The following STK3 variants were observed in gnomAD, a reference collection of about 807,000 sequenced individuals.
The protein encoded by STK3 is serine/threonine kinase 3.
STK3 carries 41 observed loss-of-function variants against 58.0 expected under a neutral mutation model. That is an observed-to-expected ratio of 0.71 (90% CI 0.55 to 0.92). The LOEUF (loss-of-function observed/expected upper bound fraction) is 0.92, where lower values mean the gene tolerates loss of function less well. Among genes scored for constraint, STK3 ranks in the 40% least tolerant of loss-of-function variants. The pLI, the probability that STK3 is intolerant of heterozygous loss-of-function variation, is 0.00. For synonymous variants in STK3, 170 were observed against 191.0 expected, an observed-to-expected ratio of 0.89 and a Z score of 0.91; for missense variants, 479 against 602.7, an observed-to-expected ratio of 0.79 and a Z score of 2.15.
the STK3 span, among the ~76,000 whole-genome samples, chr8:98,365,683 C>T: frequency 6.6e-6 from 1 of 152,150 alleles, no homozygotes; most frequent in Non-Finnish European, 1.5e-5. Context: ...CCATGTGTCC[C>T]AGTTCATGTC....
chr8:98,647,420 T>C (rs549102590), intron 6 of STK3, among the ~76,000 whole-genome samples: 4 of 152,338 alleles, frequency 2.6e-5, no homozygotes, highest in Admixed American at 2.6e-4. Context: ...TGCCTCCTTC[T>C]AGGATGTAAT....
intron 1 of STK3, among the ~76,000 whole-genome samples, chr8:98,793,041 T>C (rs970190839): frequency 7.2e-5 from 11 of 152,000 alleles, no homozygotes; most frequent in Admixed American, 1.3e-4. Context: ...CTAGAGGAGA[T>C]TGGAGACTAT....
chr8:98,575,145 G>C (rs1316392100), intron 8 of STK3, among the ~76,000 whole-genome samples: 1 of 152,138 alleles, frequency 6.6e-6, no homozygotes. Context: ...ATTTTGAGCT[G>C]ATATTGTAAA....
At chr8:98,442,713 A>G (rs773947889) in intron 1 of STK3, among the ~76,000 whole-genome samples, 9 of 152,222 alleles carry the variant, frequency 5.9e-5, no homozygotes, top group Non-Finnish European at 1.3e-4. Flanking sequence ...TTGCATTGTA[A>G]TTGCACATAT....
Position 98,706,466 on chromosome 8 carries a change from C to A in STK3, c.684+1G>T, listed in dbSNP as rs781189299. 6.9e-6 allele frequency: 11 copies of A among 1,604,626 alleles called. No individual in the cohort carries two copies. Among genetic ancestry groups the A allele is most frequent in the Admixed American group, 1.7e-5 (1 of 57,720 alleles). ...TTTTCAGCAAACCATAATTTTCTTA[C>A]CCTCATTGGATGTATATCAGCATAA... is the stretch of plus-strand genomic sequence containing the variant. On this transcript the variant is annotated splice_donor_variant, in intron 6 of 10. Coordinates refer to ENST00000419617, the MANE Select transcript of STK3 (RefSeq NM_006281.4). LOFTEE classifies it high-confidence loss of function.
intron 1 of STK3, among the ~76,000 whole-genome samples, chr8:98,784,254 T>C (rs1433211330): frequency 6.6e-6 from 1 of 152,202 alleles, no homozygotes; most frequent in East Asian, 1.9e-4. Context: ...CATGGCCACA[T>C]AGGCTTCTGG....
downstream of STK3, chr8:98,881,038 A>G (rs543202705): frequency 4.6e-5 from 7 of 152,362 alleles, no homozygotes; most frequent in East Asian, 1.3e-3. Context: ...TAAATAACAT[A>G]TTTATGCCAA....
chr8:98,380,679 TA>T, intron 1 of STK3, among the ~76,000 whole-genome samples: 1 of 152,322 alleles, frequency 6.6e-6, no homozygotes, highest in South Asian at 2.1e-4. Context: ...CCAGAAATTG[TA>T]ACTTTTTAAA....
intron 1 of STK3, among the ~76,000 whole-genome samples, chr8:98,383,721 T>C (rs1179505712): frequency 6.6e-6 from 1 of 152,264 alleles, no homozygotes; most frequent in Non-Finnish European, 1.5e-5. Context: ...TTGTACCATG[T>C]TGTGCTCTGT....
intron 1 of STK3, among the ~76,000 whole-genome samples, chr8:98,787,919 A>G (rs1043598958): frequency 6.6e-6 from 1 of 152,222 alleles, no homozygotes; most frequent in Non-Finnish European, 1.5e-5. Flanking sequence ...GCATTACAAA[A>G]ACTGCTAAAA....
intron 10 of STK3, among the ~76,000 whole-genome samples, chr8:98,488,042 A>ATT (rs1180164049): frequency 1.3e-5 from 2 of 152,246 alleles, no homozygotes; most frequent in Non-Finnish European, 2.9e-5. Context: ...ATACACATTA[A>ATT]GCTGGCACTG....
chr8:98,349,098 A>G, the STK3 span, among the ~76,000 whole-genome samples: 1 of 152,262 alleles, frequency 6.6e-6, no homozygotes, highest in Non-Finnish European at 1.5e-5. Flanking sequence ...CTATTAAGTC[A>G]TGAAAACACA....
At chr8:98,843,541 G>A (rs1836076388) in intron 3 of STK3, among the ~76,000 whole-genome samples, 1 of 152,180 alleles carries the variant, frequency 6.6e-6, no homozygotes, top group South Asian at 2.1e-4. Flanking sequence ...CTGCCCCAAA[G>A]GAGAAAAATA....
intron 9 of STK3, among the ~76,000 whole-genome samples, chr8:98,539,954 G>A (rs113677370): frequency 0.017 from 2,608 of 152,126 alleles, 76 homozygotes; most frequent in African/African-American, 0.06. Context: ...GGGTTTCACC[G>A]TGTTGGCCAG....
intron 1 of STK3, among the ~76,000 whole-genome samples, chr8:98,915,470 A>ATAT (rs1839314010): frequency 7.3e-6 from 1 of 136,138 alleles, no homozygotes; most frequent in Admixed American, 7.4e-5. Flanking sequence ...ATATATATAT[A>ATAT]GTTCTGTCCT....
At chr8:98,612,870 G>A (rs769014409) in intron 6 of STK3, among the ~76,000 whole-genome samples, 1 of 152,114 alleles carries the variant, frequency 6.6e-6, no homozygotes, top group African/African-American at 2.4e-5. Flanking sequence ...AGAACAAGTA[G>A]GGAGCCAAGA....
chr8:98,868,008 A>G (rs1837207647), intron 3 of STK3, among the ~76,000 whole-genome samples: 1 of 152,152 alleles, frequency 6.6e-6, no homozygotes, highest in Admixed American at 6.5e-5. Context: ...TGAGCACCAC[A>G]CACAGCCTCA....
Position 98,526,751 on chromosome 8 carries a change from G to A in STK3, c.1308C>T (p.Asp436=). ...ATTAAAATGTACTTACAAAGTCAAA[G>A]TCTCCATCTTGAGGAACTTTCCAGT... ...PDNWKVPQDG[D]FDFLKNLSLE... The change falls in exon 10 of 11, where the codon GAC becomes GAT. Residue 436 remains aspartate, a synonymous_variant. Coordinates refer to ENST00000419617, the MANE Select transcript of STK3 (RefSeq NM_006281.4). 6.4e-7 allele frequency: 1 copy of A among 1,561,622 alleles called. No homozygotes were observed. Among genetic ancestry groups the A allele is most frequent in the Non-Finnish European group, 8.7e-7 (1 of 1,154,290 alleles).
At chr8:98,791,720 T>C (rs561323453) in intron 1 of STK3, among the ~76,000 whole-genome samples, 59 of 152,132 alleles carry the variant, frequency 3.9e-4, no homozygotes, top group Admixed American at 2.6e-3. Context: ...TGGGGAAAGG[T>C]CACCCTATTC....
Sources: gnomAD v4.1 joint callset for allele counts (sites outside exome capture counted in the v4.1 genomes callset) on GRCh38, gnomAD v4.1.1 for gene constraint, MANE v1.5 for transcripts, NCBI Gene and HGNC (gene_info 2026-07-23, HGNC 2026-07-21) for gene names.